Variants in RPTOR observed in about 807,000 individuals in gnomAD.
RPTOR encodes regulatory-associated protein of mTOR.
A neutral mutation model predicts 169.9 loss-of-function variants in RPTOR; 21 were observed. The observed-to-expected ratio is 0.12, with a 90% CI of 0.09 to 0.18. The LOEUF (loss-of-function observed/expected upper bound fraction) is 0.18. Among genes scored for constraint, RPTOR ranks in the 10% least tolerant of loss-of-function variants. The probability of loss-of-function intolerance (pLI) is 1.00; values close to 1 mark genes in which losing one functional copy is unlikely to be tolerated. For missense variants in RPTOR, 1,133 were observed against 1,855.9 expected (o/e 0.61, Z 7.16); for synonymous variants, 732 against 753.2 (o/e 0.97, Z 0.46).
At chr17:80,926,192 G>A (rs1455669361) in intron 24 of RPTOR, among the ~76,000 whole-genome samples, 1 of 152,214 alleles carries the variant, frequency 6.6e-6, no homozygotes, top group Non-Finnish European at 1.5e-5. Context: ...CTCTGTGAAT[G>A]GTATTTGGAC....
intron 20 of RPTOR, among the ~76,000 whole-genome samples, chr17:80,896,853 T>A (rs1189414469): frequency 6.6e-6 from 1 of 152,262 alleles, no homozygotes; most frequent in African/African-American, 2.4e-5. Context: ...GTCTTCTTTA[T>A]GTCTTCAAGA....
rs905803500 is a variant in RPTOR, at chr17:80,961,692, C to T, written c.3692+212C>T. 4 of 573,704 alleles carry T rather than the reference C, an allele frequency of 7.0e-6. No homozygotes were observed. In the African/African-American group the frequency reaches 7.6e-5, roughly 11 times the overall value. The allele number at this position is 573,704 out of a possible 1,614,324, so 35.5% of individuals were successfully genotyped here. ...CCCCTGCTGGGGGACACCTGACCTG[C>T]AGGCGCTTTGGGAACTTTCCTGGGC... is the stretch of plus-strand genomic sequence containing the variant. On this transcript the variant is annotated intron_variant, in intron 31 of 33. Coordinates refer to ENST00000306801, the MANE Select transcript of RPTOR (RefSeq NM_020761.3).
chr17:80,945,973 C>T (rs142970665), intron 26 of RPTOR, among the ~76,000 whole-genome samples, 192 bp downstream of exon 26: 163 of 152,302 alleles, frequency 1.1e-3, no homozygotes, highest in African/African-American at 3.5e-3. Context: ...CCCACACCTG[C>T]CCCGGGCCTG....
chr17:80,903,359 G>A (rs1190315343), intron 20 of RPTOR, among the ~76,000 whole-genome samples: 2 of 152,218 alleles, frequency 1.3e-5, no homozygotes, highest in African/African-American at 4.8e-5. Flanking sequence ...TGCCTTTGGA[G>A]GAAAGAGGAG....
At chr17:80,576,362 G>A (rs1026794393) in intron 1 of RPTOR, among the ~76,000 whole-genome samples, 1 of 152,158 alleles carries the variant, frequency 6.6e-6, no homozygotes, top group Non-Finnish European at 1.5e-5. Flanking sequence ...AGAAATTACA[G>A]TAGGAATACT....
At chr17:80,949,585 T>TC (rs757903326) in intron 28 of RPTOR, 38 bp downstream of exon 28, 1 of 1,555,046 alleles carries the variant, frequency 6.4e-7, no homozygotes, top group South Asian at 1.1e-5. Context: ...CAGAATGTGT[T>TC]CCCGGGGCTG....
chr17:80,863,211 G>C (rs373627177), intron 13 of RPTOR, among the ~76,000 whole-genome samples: 5 of 152,136 alleles, frequency 3.3e-5, no homozygotes, highest in African/African-American at 1.2e-4. Flanking sequence ...AGATGGTACC[G>C]CACAGGACAA....
intron 6 of RPTOR, among the ~76,000 whole-genome samples, chr17:80,784,214 A>G (rs2066969092): frequency 6.7e-6 from 1 of 149,412 alleles, no homozygotes; most frequent in South Asian, 2.1e-4. Context: ...TTGGGCTCCC[A>G]GAGTGCTGGA....
chr17:80,744,785 T>TAGCACTGTCCTGGTTACG (rs2066549395), intron 5 of RPTOR, among the ~76,000 whole-genome samples: 1 of 79,628 alleles, frequency 1.3e-5, no homozygotes, highest in Non-Finnish European at 2.5e-5. Context: ...TCCTGGCTAC[T>TAGCACTGTCCTGGTTACG]AGCACAGCCC....
chr17:80,893,929 G>A (rs954749124), intron 20 of RPTOR, 64 bp downstream of exon 20: 9 of 1,447,090 alleles, frequency 6.2e-6, no homozygotes, highest in Non-Finnish European at 7.3e-6. Context: ...ACACAGAGCA[G>A]CACAGACCTG....
intron 6 of RPTOR, among the ~76,000 whole-genome samples, chr17:80,772,008 A>C (rs2066848631): frequency 6.6e-6 from 1 of 152,132 alleles, no homozygotes; most frequent in Non-Finnish European, 1.5e-5. Context: ...TTTTGTAGAA[A>C]TGGGGTCTTG....
intron 9 of RPTOR, among the ~76,000 whole-genome samples, chr17:80,825,127 T>G (rs552393392): frequency 6.0e-4 from 87 of 144,438 alleles, no homozygotes; most frequent in African/African-American, 2.1e-3. Context: ...ATCCCACCTC[T>G]CTCTCTAGAG....
chr17:80,863,513 C>T (rs572212746), intron 13 of RPTOR, among the ~76,000 whole-genome samples: 164 of 152,202 alleles, frequency 1.1e-3, no homozygotes, highest in African/African-American at 3.6e-3. Context: ...AATTGAGACA[C>T]GGAGAATATA....
intron 5 of RPTOR, among the ~76,000 whole-genome samples, chr17:80,732,309 T>C (rs531090449): frequency 3.7e-4 from 57 of 152,278 alleles, no homozygotes; most frequent in Admixed American, 3.1e-3. Context: ...ACATGTTAAA[T>C]AGAGACCCGC....
At chr17:80,780,765 C>G (rs1408827907) in intron 6 of RPTOR, among the ~76,000 whole-genome samples, 1 of 152,172 alleles carries the variant, frequency 6.6e-6, no homozygotes, top group Non-Finnish European at 1.5e-5. Context: ...CCCTTCCCCC[C>G]TCACCCTCCC....
At chr17:80,911,293 G>A (rs771509416) in intron 21 of RPTOR, among the ~76,000 whole-genome samples, 5 of 152,196 alleles carry the variant, frequency 3.3e-5, no homozygotes, top group Admixed American at 6.5e-5. Context: ...CTTCGTCACC[G>A]TGTGGTGTGG....
intron 4 of RPTOR, among the ~76,000 whole-genome samples, chr17:80,711,742 G>GTTTTTTTTTTTTTTTTTTTT (rs1298623680): frequency 4.7e-4 from 24 of 51,376 alleles, no homozygotes; most frequent in African/African-American, 1.9e-3. Flanking sequence ...TTATACATCA[G>GTTTTTTTTTTTTTTTTTTTT]TCTTTTTTTT....
At chr17:80,615,856 G>T (rs2065305503) in intron 1 of RPTOR, among the ~76,000 whole-genome samples, 1 of 152,174 alleles carries the variant, frequency 6.6e-6, no homozygotes, top group African/African-American at 2.4e-5. Flanking sequence ...CGTGGCAGCT[G>T]CAGTGGGGCC....
At chr17:80,855,650 A>T (rs1213437808) in intron 12 of RPTOR, 103 bp downstream of exon 12, 1 of 900,518 alleles carries the variant, frequency 1.1e-6, no homozygotes, top group Non-Finnish European at 1.8e-6. Context: ...AGCCACCCCC[A>T]GCCGTGAGAC....
Sources: gnomAD v4.1 joint callset for allele counts (sites outside exome capture counted in the v4.1 genomes callset) on GRCh38, gnomAD v4.1.1 for gene constraint, MANE v1.5 for transcripts, NCBI Gene and HGNC (gene_info 2026-07-23, HGNC 2026-07-21) for gene names.